Variants in TMCO1 observed in about 807,000 individuals in gnomAD.
The protein encoded by TMCO1 is calcium load-activated calcium channel.
In TMCO1, 29 loss-of-function variants were observed where a neutral mutation model predicts 29.3. That is an observed-to-expected ratio of 0.99 (90% CI 0.74 to 1.35). TMCO1 has a LOEUF of 1.35. TMCO1 is among the 40% of genes most tolerant of loss of function. The probability of loss-of-function intolerance (pLI) is 0.00; values close to 1 mark genes in which losing one functional copy is unlikely to be tolerated. For synonymous variants in TMCO1, 80 were observed against 77.1 expected, an observed-to-expected ratio of 1.04 and a Z score of -0.20; for missense variants, 173 against 225.5, an observed-to-expected ratio of 0.77 and a Z score of 1.49.
At chr1:165,736,551 C>G (rs4603103) in intron 6 of TMCO1, among the ~76,000 whole-genome samples, 135,717 of 152,042 alleles carry the variant, frequency 0.89, 60,692 homozygotes, top group East Asian at 0.99. Flanking sequence ...GTGAAACCCG[C>G]TCTCTCCTAA....
At position 165,727,983 on chromosome 1, in the gene TMCO1, G is replaced by T; in HGVS notation, c.*40C>A. On this transcript the variant is annotated 3_prime_UTR_variant, in exon 7 of 7. Coordinates refer to ENST00000367881, the MANE Select transcript of TMCO1 (RefSeq NM_019026.6). ...AAACAGTTGCCAGTCTGATGTGTGT[G>T]TGTCTAGAAAGAATGATAGAAAATA... 3.4e-6 allele frequency: 5 copies of T among 1,468,718 alleles called. No individual in the cohort carries two copies. Among genetic ancestry groups the T allele is most frequent in the Non-Finnish European group, 3.8e-6 (4 of 1,058,142 alleles). 91.0% of individuals were successfully genotyped at this position (1,468,718 alleles called of 1,614,324 possible).
At chr1:165,735,049 G>C (rs1227978521) in intron 6 of TMCO1, among the ~76,000 whole-genome samples, 1 of 152,182 alleles carries the variant, frequency 6.6e-6, no homozygotes, top group East Asian at 1.9e-4. Flanking sequence ...CCTTTGTAAT[G>C]ATGAATGAAT....
At chr1:165,738,950 C>T (rs543942349) in intron 6 of TMCO1, among the ~76,000 whole-genome samples, 3 of 152,126 alleles carry the variant, frequency 2.0e-5, no homozygotes, top group Middle Eastern at 3.4e-3. Context: ...TTTTCTCATG[C>T]GTGTCATGCA....
At chr1:165,740,237 T>TGTTGCCCAGGCTGGAGTGCA (rs1223329747) in intron 6 of TMCO1, among the ~76,000 whole-genome samples, 1 of 152,030 alleles carries the variant, frequency 6.6e-6, no homozygotes, top group African/African-American at 2.4e-5. Context: ...AGTCTTGCTC[T>TGTTGCCCAGGCTGGAGTGCA]GTTGCCCAGG....
intron 6 of TMCO1, 109 bp from the exon 7 acceptor site, chr1:165,728,230 C>A (rs755195949): frequency 6.5e-6 from 5 of 765,370 alleles, no homozygotes; most frequent in Non-Finnish European, 1.1e-5. Flanking sequence ...ATTAAAGGAA[C>A]CATTATGACC....
intron 4 of TMCO1, 125 bp downstream of exon 4, chr1:165,754,103 A>C: frequency 1.3e-6 from 1 of 776,398 alleles, no homozygotes. Context: ...AACACCCATG[A>C]TATTATTTAT....
chr1:165,759,678 G>T, intron 2 of TMCO1, 94 bp from the exon 3 acceptor site: 1 of 1,089,006 alleles, frequency 9.2e-7, no homozygotes, highest in Non-Finnish European at 1.4e-6. Context: ...AAAGAAGCTT[G>T]CAAGAAAGTT....
In TMCO1 at chr1:165,727,419, A is replaced by G; in HGVS notation, c.*604T>C. 1 of 454,116 alleles carries G rather than the reference A, an allele frequency of 2.2e-6. No homozygotes were observed. The highest frequency in any genetic ancestry group is 1.6e-5 in the South Asian group (1 of 64,468). The allele number at this position is 454,116 out of a possible 1,614,324, so 28.1% of individuals were successfully genotyped here. On this transcript the variant is annotated 3_prime_UTR_variant, in exon 7 of 7. Transcript: ENST00000367881. ...ACCAAGACAACTCTGTATTTTGAGT[A>G]TATGAGTCAAGTATGGCAAAAAGTA...
chr1:165,759,932 T>C (rs1441304225), intron 2 of TMCO1, among the ~76,000 whole-genome samples: 4 of 152,236 alleles, frequency 2.6e-5, no homozygotes, highest in Non-Finnish European at 1.5e-5. Flanking sequence ...CTAGGGTTAA[T>C]TGTAATTCCA....
chr1:165,735,725 G>A (rs1321172953), intron 6 of TMCO1, among the ~76,000 whole-genome samples: 1 of 152,064 alleles, frequency 6.6e-6, no homozygotes, highest in African/African-American at 2.4e-5. Context: ...ATGTTGGCAA[G>A]GTTGGTCTGG....
intron 2 of TMCO1, among the ~76,000 whole-genome samples, chr1:165,764,043 T>C (rs998728820): frequency 2.0e-5 from 3 of 152,222 alleles, no homozygotes; most frequent in Admixed American, 6.5e-5. Flanking sequence ...TCAAAATCTA[T>C]AAGGCAAATC....
At chr1:165,730,169 C>CAAA (rs1278522213) in intron 6 of TMCO1, among the ~76,000 whole-genome samples, 1 of 133,464 alleles carries the variant, frequency 7.5e-6, no homozygotes, top group African/African-American at 2.8e-5. Flanking sequence ...AAAATACACA[C>CAAA]ACACAAAAAA....
At chr1:165,766,893 T>A (rs1035698271) in intron 2 of TMCO1, among the ~76,000 whole-genome samples, 20 of 152,182 alleles carry the variant, frequency 1.3e-4, no homozygotes, top group Non-Finnish European at 2.8e-4. Flanking sequence ...ACTGGAAGCA[T>A]GGAGGTACCC....
chr1:165,725,698 A>G (rs1558025003), downstream of TMCO1: 4 of 454,134 alleles, frequency 8.8e-6, no homozygotes, highest in South Asian at 6.2e-5. Context: ...CCAAATAACT[A>G]GTCTTGAAAT....
At chr1:165,725,847 T>G (rs775347108), downstream of TMCO1, 1 of 494,614 alleles carries the variant, frequency 2.0e-6, no homozygotes, top group South Asian at 1.6e-5. Flanking sequence ...ATAGAGTGAA[T>G]ATACATAAGC....
intron 2 of TMCO1, among the ~76,000 whole-genome samples, chr1:165,760,677 T>G (rs1652369930): frequency 6.6e-6 from 1 of 152,062 alleles, no homozygotes; most frequent in Admixed American, 6.6e-5. Context: ...GGCGCGTGCC[T>G]GTAGTCCCAG....
chr1:165,744,802 A>ACAAC lies in TMCO1; in HGVS notation c.324-1492_324-1491insGTTG, dbSNP rs907615024. Among the ~76,000 whole-genome samples the ACAAC allele has an allele frequency of 1.8e-4, 28 of 151,754 alleles. 1 individual carries two copies. Among genetic ancestry groups the ACAAC allele is most frequent in the African/African-American group, 5.3e-4 (22 of 41,248 alleles). ...CAAAACTCCATCTCAAAAAAAAAAA[A>ACAAC]AAAAAAAAAATTTCAATTCTAAAAT... On this transcript the variant is annotated intron_variant, in intron 5 of 6. Coordinates refer to ENST00000367881, the MANE Select transcript of TMCO1 (RefSeq NM_019026.6).
chr1:165,725,717 G>T, downstream of TMCO1: 1 of 454,108 alleles, frequency 2.2e-6, no homozygotes, highest in Non-Finnish European at 4.4e-6. Context: ...ATTTCTTCAG[G>T]ACAAGAAATT....
At position 165,730,165 on chromosome 1, in the gene TMCO1, C is replaced by CAAAAAAAA. The variant is rs572104283; in HGVS notation, c.469-2045_469-2044insTTTTTTTT. On this transcript the variant is annotated intron_variant, in intron 6 of 6. Coordinates refer to ENST00000367881, the MANE Select transcript of TMCO1 (RefSeq NM_019026.6). ...TGAAACCCCGTCTGTACTAAAAATA[C>CAAAAAAAA]ACACACACAAAAAAAAAAAAATTAG... Among the ~76,000 whole-genome samples the CAAAAAAAA allele has an allele frequency of 2.9e-5, 3 of 103,114 alleles. 1 individual carries two copies. Among genetic ancestry groups the CAAAAAAAA allele is most frequent in the Non-Finnish European group, 2.0e-5 (1 of 50,818 alleles). The allele number at this position is 103,114 out of a possible 152,430, so 67.6% of individuals were successfully genotyped here. A position where few individuals can be genotyped will look rare whatever the true frequency, so the allele number is the denominator to read the frequency against.
Sources: gnomAD v4.1 joint callset for allele counts (sites outside exome capture counted in the v4.1 genomes callset) on GRCh38, gnomAD v4.1.1 for gene constraint, MANE v1.5 for transcripts, NCBI Gene and HGNC (gene_info 2026-07-23, HGNC 2026-07-21) for gene names.